Variants in PPP1R21 observed in about 807,000 individuals in gnomAD.
PPP1R21 encodes protein phosphatase 1 regulatory subunit 21, also known as KLRAQ motif containing 1.
Under a neutral mutation model 112.8 loss-of-function variants are expected in PPP1R21, and 85 were observed. The observed-to-expected ratio is 0.75, with a 90% confidence interval of 0.63 to 0.90. The LOEUF (loss-of-function observed/expected upper bound fraction) is 0.90. Ranked by LOEUF, PPP1R21 falls within the 40% of genes least tolerant of loss-of-function variation. The pLI is 0.00. For missense variants in PPP1R21, 1,199 were observed against 901.5 expected (o/e 1.33, Z -4.23); for synonymous variants, 381 against 322.3 (o/e 1.18, Z -1.95).
chr2:48,502,829 T>C (rs1056053672), intron 17 of PPP1R21, among the ~76,000 whole-genome samples: 4 of 151,996 alleles, frequency 2.6e-5, no homozygotes, highest in Non-Finnish European at 4.4e-5. Flanking sequence ...TACAGGCGCC[T>C]GCCACCATGC....
intron 15 of PPP1R21, among the ~76,000 whole-genome samples, chr2:48,495,172 A>G (rs1401440206): frequency 1.3e-5 from 2 of 152,166 alleles, no homozygotes; most frequent in Non-Finnish European, 2.9e-5. Flanking sequence ...GTCAGTGACC[A>G]TTTATAATTG....
chr2:48,445,223 A>C (rs957428059), intron 1 of PPP1R21, among the ~76,000 whole-genome samples: 4 of 143,700 alleles, frequency 2.8e-5, no homozygotes, highest in Admixed American at 7.4e-5. Flanking sequence ...GTTCAGTGCT[A>C]TCCAATGGAA....
chr2:48,510,191 C>T (rs1319371632), intron 20 of PPP1R21, 78 bp downstream of exon 20: 8 of 1,066,908 alleles, frequency 7.5e-6, no homozygotes, highest in Non-Finnish European at 1.1e-5. Flanking sequence ...ATTTCTTTTC[C>T]AAAGGCATTT....
At chr2:48,453,535 C>G (rs1395769398) in intron 2 of PPP1R21, among the ~76,000 whole-genome samples, 2 of 152,020 alleles carry the variant, frequency 1.3e-5, no homozygotes, top group East Asian at 3.9e-4. Context: ...CTGTGTTTGA[C>G]AATCAGTGAA....
In PPP1R21 at chr2:48,490,924, A is replaced by G. The variant is rs185631460; in HGVS notation, c.1447-94A>G. On this transcript the variant is annotated intron_variant, in intron 14 of 21. Coordinates refer to ENST00000294952, the MANE Select transcript of PPP1R21 (RefSeq NM_001135629.3). Reference sequence around the variant, plus strand: ...AAATTTCATTTCCATTTCCATTCTCAACATCTTTAAACTTTGCTGCAAAAA... The same window carrying G: ...AAATTTCATTTCCATTTCCATTCTCGACATCTTTAAACTTTGCTGCAAAAA... The G allele has an allele frequency of 9.3e-5, 101 of 1,083,830 alleles. No homozygotes were observed. The African/African-American group carries it at 1.3e-3, about 14-fold the overall frequency. The allele number at this position is 1,083,830 out of a possible 1,614,324, so 67.1% of individuals were successfully genotyped here. A position where few individuals can be genotyped will look rare whatever the true frequency, so the allele number is the denominator to read the frequency against.
Position 48,486,771 on chromosome 2 carries a change from T to A in PPP1R21, c.1446+13T>A. 6.2e-7 allele frequency: 1 copy of A among 1,607,374 alleles called. No individual in the cohort carries two copies. Among genetic ancestry groups the A allele is most frequent in the East Asian group, 2.2e-5 (1 of 44,786 alleles). ...TGGAGCAGGAAAGGTAATTCTCTTC[T>A]GGCGTATATTGATGTTAAAACTCTT... On this transcript the variant is annotated intron_variant, in intron 14 of 21. Coordinates refer to ENST00000294952, the MANE Select transcript of PPP1R21 (RefSeq NM_001135629.3).
intron 8 of PPP1R21, 64 bp from the exon 9 acceptor site, chr2:48,465,429 A>T: frequency 6.9e-7 from 1 of 1,451,974 alleles, no homozygotes; most frequent in Non-Finnish European, 9.4e-7. Context: ...GATCAGACTC[A>T]ATAAAGTTCT....
chr2:48,442,387 A>T (rs147648281), intron 1 of PPP1R21, among the ~76,000 whole-genome samples: 2,604 of 152,348 alleles, frequency 0.017, 66 homozygotes, highest in African/African-American at 0.057. Flanking sequence ...GGCCATTACA[A>T]ATGGCAAGAG....
intron 15 of PPP1R21, among the ~76,000 whole-genome samples, chr2:48,494,497 G>C (rs1385969349): frequency 6.6e-6 from 1 of 151,514 alleles, no homozygotes; most frequent in Non-Finnish European, 1.5e-5. Flanking sequence ...CGCGATCTCG[G>C]CTCACCACAA....
rs1239954971 is a variant in PPP1R21 at position 48,458,350 on chromosome 2, C to G, written c.375+123C>G. The G allele has an allele frequency of 8.6e-6, 5 of 584,460 alleles. 1 individual carries two copies. The highest frequency in any genetic ancestry group is 5.4e-5 in the South Asian group (3 of 55,444). The allele number at this position is 584,460 out of a possible 1,614,324, so 36.2% of individuals were successfully genotyped here. A position where few individuals can be genotyped will look rare whatever the true frequency, so the allele number is the denominator to read the frequency against. ...GTATTTTAATGTCTTCTATGGTCTT[C>G]AAGTATATATGTCACTGTCACTTAT... is the stretch of plus-strand genomic sequence containing the variant. On this transcript the variant is annotated intron_variant, in intron 4 of 21. Coordinates refer to ENST00000294952, the MANE Select transcript of PPP1R21 (RefSeq NM_001135629.3).
At position 48,486,648 on chromosome 2, in the gene PPP1R21, A is replaced by T; in HGVS notation, c.1336A>T (p.Ser446Cys). The T allele has an allele frequency of 1.9e-6, 3 of 1,610,876 alleles. No individual in the cohort carries two copies. The highest frequency in any genetic ancestry group is 2.5e-6 in the Non-Finnish European group (3 of 1,177,166). The change falls in exon 14 of 22, where the codon AGT (serine) becomes TGT (cysteine). Residue 446 changes from serine (S) to cysteine (C), a missense_variant. Physicochemically the swap from Ser to Cys is moderately radical, Grantham distance 112. Transcript: ENST00000294952. ...DVMKDISKHY[S>C]QKAAIEHELP... The stretch of plus-strand genomic sequence containing the variant: ...TTTTATAGATATTTCCAAACATTAT[A>T]GTCAAAAAGCTGCAATAGAGCATGA...
intron 16 of PPP1R21, 114 bp from the exon 17 acceptor site, chr2:48,498,379 T>C: frequency 1.0e-6 from 1 of 954,448 alleles, no homozygotes; most frequent in South Asian, 1.7e-5. Context: ...AACTTTATTA[T>C]TATATTTTTA....
chr2:48,474,239 C>G (rs933876908), intron 11 of PPP1R21, among the ~76,000 whole-genome samples: 1 of 151,982 alleles, frequency 6.6e-6, no homozygotes, highest in Non-Finnish European at 1.5e-5. Context: ...AAAAATTAGC[C>G]GGGCGTGGTG....
intron 5 of PPP1R21, 33 bp downstream of exon 5, chr2:48,459,951 A>G (rs1335562841): frequency 6.2e-7 from 1 of 1,602,960 alleles, no homozygotes; most frequent in African/African-American, 1.3e-5. Flanking sequence ...ACTAAAAAAT[A>G]GTTACAGCTT....
chr2:48,460,183 T>A (rs1424152194), intron 6 of PPP1R21, 30 bp downstream of exon 6: 1 of 1,611,346 alleles, frequency 6.2e-7, no homozygotes, highest in African/African-American at 1.3e-5. Flanking sequence ...CCAAGAGGGT[T>A]CTGAAGCAAG....
At chr2:48,474,476 C>A (rs536521577) in intron 11 of PPP1R21, among the ~76,000 whole-genome samples, 26 of 152,266 alleles carry the variant, frequency 1.7e-4, no homozygotes, top group African/African-American at 6.3e-4. Context: ...TCTGTTATTC[C>A]ATTTAGTCAT....
chr2:48,470,462 G>C (rs1291343779), intron 9 of PPP1R21, among the ~76,000 whole-genome samples: 2 of 150,922 alleles, frequency 1.3e-5, no homozygotes, highest in Non-Finnish European at 2.9e-5. Flanking sequence ...AGAGGTTGCA[G>C]TGAGCCAAGA....
chr2:48,503,157 G>A (rs903019653), intron 17 of PPP1R21, among the ~76,000 whole-genome samples: 1 of 152,060 alleles, frequency 6.6e-6, no homozygotes, highest in Non-Finnish European at 1.5e-5. Context: ...TGCCGGAATG[G>A]AAAAGCATTG....
At chr2:48,513,249 G>A (rs1670719487) in intron 21 of PPP1R21, among the ~76,000 whole-genome samples, 1 of 151,842 alleles carries the variant, frequency 6.6e-6, no homozygotes, top group Non-Finnish European at 1.5e-5. Flanking sequence ...CTGTCACCCA[G>A]GCTGGAGTGC....
Sources: allele counts gnomAD v4.1 joint callset (sites outside exome capture counted in the v4.1 genomes callset), GRCh38; gene constraint gnomAD v4.1.1; transcripts MANE v1.5; gene names NCBI Gene and HGNC (gene_info 2026-07-23, HGNC 2026-07-21).